The following KIAA1586 variants were observed in gnomAD, a reference collection of about 807,000 sequenced individuals.
The protein encoded by KIAA1586 is E3 SUMO-protein ligase KIAA1586.
Under a neutral mutation model 6.1 loss-of-function variants are expected in KIAA1586, and 5 were observed. The observed-to-expected ratio is 0.82, with a 90% CI of 0.43 to 1.73. KIAA1586 has a LOEUF of 1.73. Ranked by LOEUF, KIAA1586 falls within the 40% of genes most tolerant of loss-of-function variation. The pLI is 0.02. For synonymous variants in KIAA1586, 280 were observed against 301.7 expected (o/e 0.93, Z 0.75); for missense variants, 899 against 878.2 (o/e 1.02, Z -0.30).
At chr6:57,051,763 A>G (rs150800827) in intron 3 of KIAA1586, among the ~76,000 whole-genome samples, 7 of 152,120 alleles carry the variant, frequency 4.6e-5, no homozygotes, top group Non-Finnish European at 1.0e-4. Context: ...GTGAAACCTC[A>G]TCTCTACCAA....
downstream of KIAA1586, among the ~76,000 whole-genome samples, chr6:57,059,849 A>G (rs919630320): frequency 6.6e-6 from 1 of 152,162 alleles, no homozygotes; most frequent in African/African-American, 2.4e-5. Context: ...ATTTCCCTTG[A>G]TGCTCAAACT....
Position 57,054,907 on chromosome 6 carries a change from C to A in KIAA1586, c.*44C>A. On this transcript the variant is annotated 3_prime_UTR_variant, in exon 4 of 4. Transcript: ENST00000370733. ...TGTCATCTGTAAATTATGTACTACA[C>A]ATCCTTTATATACATAAAGGTCTTT... 1 of 1,461,746 alleles carries A rather than the reference C, an allele frequency of 6.8e-7. No homozygotes were observed. The highest frequency in any genetic ancestry group is 9.1e-7 in the Non-Finnish European group (1 of 1,099,114). 90.5% of individuals were successfully genotyped at this position (1,461,746 alleles called of 1,614,324 possible).
At chr6:57,059,367 C>T (rs534786467), downstream of KIAA1586, among the ~76,000 whole-genome samples, 78 of 152,022 alleles carry the variant, frequency 5.1e-4, no homozygotes, top group African/African-American at 1.8e-3. Flanking sequence ...CCGAGGTGGG[C>T]GGATCACAAG....
intron 3 of KIAA1586, 38 bp downstream of exon 3, chr6:57,050,892 T>C (rs763694239): frequency 5.7e-6 from 8 of 1,405,248 alleles, no homozygotes; most frequent in African/African-American, 5.7e-5. Context: ...AGTTTTCTTA[T>C]TAAGTGCAAT....
chr6:57,058,014 C>T (rs922472915), downstream of KIAA1586, among the ~76,000 whole-genome samples: 2 of 152,110 alleles, frequency 1.3e-5, no homozygotes, highest in South Asian at 2.1e-4. Context: ...AGGCTGGCCT[C>T]GAACTCCCTG....
chr6:57,058,374 C>CA (rs1297449279), downstream of KIAA1586, among the ~76,000 whole-genome samples: 1 of 152,070 alleles, frequency 6.6e-6, no homozygotes, highest in African/African-American at 2.4e-5. Flanking sequence ...GCACATGGTA[C>CA]AAATCAACAC....
At position 57,054,460 on chromosome 6, in the gene KIAA1586, C is replaced by T. The variant is rs1562572059; in HGVS notation, c.1961C>T (p.Thr654Ile). ...TCACCATGGATAGCTGGTGAAAAAACATTATTTCATTTGTGTAAAATTTTA... is the reference window on the plus strand; with the variant it reads ...TCACCATGGATAGCTGGTGAAAAAATATTATTTCATTTGTGTAAAATTTTA... Reference protein sequence around the residue: ...ITSPWIAGEKTLFHLCKILKY... With the variant: ...ITSPWIAGEKILFHLCKILKY... Residue 654 changes from threonine to isoleucine, a missense_variant, in exon 4 of 4, where the codon ACA (threonine) becomes ATA (isoleucine). By Grantham distance (89) the Thr-to-Ile change is moderately conservative (BLOSUM62 -1). Coordinates refer to ENST00000370733, the MANE Select transcript of KIAA1586 (RefSeq NM_020931.4). The T allele has an allele frequency of 4.4e-6, 7 of 1,604,248 alleles. No homozygotes were observed. Among genetic ancestry groups the T allele is most frequent in the Non-Finnish European group, 6.0e-6 (7 of 1,175,910 alleles).
chr6:57,056,748 G>C (rs1295947866), downstream of KIAA1586, among the ~76,000 whole-genome samples: 1 of 151,794 alleles, frequency 6.6e-6, no homozygotes, highest in African/African-American at 2.4e-5. Context: ...ATGTTGCCCA[G>C]GTTGGTATTG....
In KIAA1586 at chr6:57,054,072, G is replaced by A. The variant is rs764280197; in HGVS notation, c.1573G>A (p.Asp525Asn). ...KRLANINFLQ[D>N]LALMIDILEE... is the part of the protein sequence containing the mutation. Reference sequence around the variant, plus strand: ...ATTAGCTAACATTAATTTCTTACAAGACCTTGCTTTAATGATTGACATTCT... The same window carrying A: ...ATTAGCTAACATTAATTTCTTACAAAACCTTGCTTTAATGATTGACATTCT... The change falls in exon 4 of 4, where the codon GAC (aspartate) becomes AAC (asparagine). Residue 525 changes from aspartate to asparagine, a missense_variant. Transcript: ENST00000370733. The A allele has an allele frequency of 6.2e-7, 1 of 1,610,958 alleles. No homozygotes were observed. Among genetic ancestry groups the A allele is most frequent in the South Asian group, 1.1e-5 (1 of 90,496 alleles).
chr6:57,051,001 G>A lies in KIAA1586; in HGVS notation c.186+147G>A, dbSNP rs565338167. 1.0e-4 allele frequency: 55 copies of A among 540,770 alleles called. 1 individual carries two copies. The highest frequency in any genetic ancestry group is 3.7e-4 in the Middle Eastern group (1 of 2,678). 33.5% of individuals were successfully genotyped at this position (540,770 alleles called of 1,614,324 possible). ...TCCCAGCACTTTGGGAGGCCGAGGC[G>A]GTTGGATCACTTGAGGCCAGGAGTT... On this transcript the variant is annotated intron_variant, in intron 3 of 3. Coordinates refer to ENST00000370733, the MANE Select transcript of KIAA1586 (RefSeq NM_020931.4).
chr6:57,053,111 A>G lies in KIAA1586; in HGVS notation c.612A>G (p.Arg204=), dbSNP rs1197988139. ...AAACTACTAGGCAAGCTTCTCTACG[A>G]AAAAAAATTAGGGAACATGATGTTT... The part of the protein sequence containing the change: ...SNKTTRQASL[R]KKIREHDVSK... Residue 204 remains arginine (R), a synonymous_variant, in exon 4 of 4, where the codon CGA becomes CGG. Transcript: ENST00000370733. The G allele has an allele frequency of 6.2e-7, 1 of 1,607,224 alleles. No homozygotes were observed. The highest frequency in any genetic ancestry group is 1.1e-5 in the South Asian group (1 of 90,002).
At position 57,054,970 on chromosome 6, in the gene KIAA1586, G is replaced by A. The variant is rs1348802243; in HGVS notation, c.*107G>A. On this transcript the variant is annotated 3_prime_UTR_variant, in exon 4 of 4. Transcript: ENST00000370733. ...AAGCCAGTTAAACTTTTATCAGCATGTTGCTGTTTAAAAGGCGTTCTTTAA... is the reference window on the plus strand; with the variant it reads ...AAGCCAGTTAAACTTTTATCAGCATATTGCTGTTTAAAAGGCGTTCTTTAA... 7.9e-7 allele frequency: 1 copy of A among 1,258,176 alleles called. No homozygotes were observed. Among genetic ancestry groups the A allele is most frequent in the Non-Finnish European group, 1.1e-6 (1 of 938,784 alleles). The allele number at this position is 1,258,176 out of a possible 1,614,324, so 77.9% of individuals were successfully genotyped here. A position where few individuals can be genotyped will look rare whatever the true frequency, so the allele number is the denominator to read the frequency against.
rs376128996 is a variant in KIAA1586 at position 57,054,846 on chromosome 6, A to G, written c.2347A>G (p.Ile783Val). ...AGTCTTCCATGAGAATCAATTGGCT[A>G]TATGGAACTTAAAATAGAATATTGT... is the stretch of plus-strand genomic sequence containing the variant. ...TKVFHENQLA[I>V]WNLK Residue 783 changes from isoleucine to valine, a missense_variant, in exon 4 of 4, where the codon ATA becomes GTA. Transcript: ENST00000370733. 1.1e-5 allele frequency: 17 copies of G among 1,548,400 alleles called. 1 individual carries two copies. Among genetic ancestry groups the G allele is most frequent in the Admixed American group, 9.9e-5 (5 of 50,650 alleles).
In KIAA1586 at chr6:57,053,282, AC is replaced by A; in HGVS notation, c.785del (p.Pro262LeufsTer18). On this transcript the variant is annotated frameshift_variant, in exon 4 of 4. Transcript: ENST00000370733. LOFTEE classifies it low-confidence loss of function (END_TRUNC). ...TVYSLVKHNR[P>X]LSDIEGAREL... ...TTTACAGTTTAGTAAAACATAACAGACCTTTATCTGATATTGAGGGGGCAAG... is the reference window on the plus strand; with the variant it reads ...TTTACAGTTTAGTAAAACATAACAGACTTTATCTGATATTGAGGGGGCAAG... The A allele has an allele frequency of 1.2e-6, 2 of 1,609,712 alleles. No homozygotes were observed. Among genetic ancestry groups the A allele is most frequent in the Non-Finnish European group, 8.5e-7 (1 of 1,178,668 alleles).
chr6:57,061,950 T>A, the KIAA1586 span, among the ~76,000 whole-genome samples: 6 of 151,254 alleles, frequency 4.0e-5, no homozygotes, highest in Non-Finnish European at 7.4e-5. Flanking sequence ...TTTTTTTTTT[T>A]AGACAGGGTC....
chr6:57,056,220 T>C (rs1050629485), downstream of KIAA1586, among the ~76,000 whole-genome samples: 7 of 151,336 alleles, frequency 4.6e-5, no homozygotes, highest in African/African-American at 7.3e-5. Flanking sequence ...GCCTAATTTT[T>C]TTTTTTTGAG....
At chr6:57,063,643 G>A in the KIAA1586 span, among the ~76,000 whole-genome samples, 5 of 151,592 alleles carry the variant, frequency 3.3e-5, no homozygotes, top group Admixed American at 6.6e-5. Flanking sequence ...TAGTTGAGAC[G>A]GGGTTTCACC....
rs1405983294 is a variant in KIAA1586 at position 57,054,056 on chromosome 6, CATT to C, written c.1559_1561del (p.Ile520del). 6.2e-7 allele frequency: 1 copy of C among 1,610,328 alleles called. No individual in the cohort carries two copies. The highest frequency in any genetic ancestry group is 2.2e-5 in the East Asian group (1 of 44,826). The stretch of plus-strand genomic sequence containing the variant: ...CTGGTTTGGCGAAGAGATTAGCTAA[CATT>C]AATTTCTTACAAGACCTTGCTTTAA... On this transcript the variant is annotated inframe_deletion, in exon 4 of 4. Transcript: ENST00000370733.
chr6:57,063,563 CCT>C, the KIAA1586 span, among the ~76,000 whole-genome samples: 1 of 147,150 alleles, frequency 6.8e-6, no homozygotes, highest in African/African-American at 2.5e-5. Flanking sequence ...AAGCAACTCT[CCT>C]GTCTCAGCCT....
Sources: allele counts gnomAD v4.1 joint callset (sites outside exome capture counted in the v4.1 genomes callset), GRCh38; gene constraint gnomAD v4.1.1; transcripts MANE v1.5; gene names NCBI Gene and HGNC (gene_info 2026-07-23, HGNC 2026-07-21).